Variants in DCAF8L2 observed in about 807,000 individuals in gnomAD.
DCAF8L2 encodes DDB1 and CUL4 associated factor 8 like 2, also known as DDB1- and CUL4-associated factor 8-like protein 2.
For synonymous variants in DCAF8L2, 200 were observed against 190.9 expected (o/e 1.05, Z -0.39); for missense variants, 430 against 490.7 (o/e 0.88, Z 1.17).
chrX:27,502,378 T>TATA, the DCAF8L2 span, among the ~76,000 whole-genome samples: 17 of 44,149 alleles, frequency 3.9e-4, no homozygotes, highest in Non-Finnish European at 7.3e-4. Context: ...ATATATATAT[T>TATA]GGCTGTGCAT....
At chrX:27,474,018 A>G in the DCAF8L2 span, among the ~76,000 whole-genome samples, 1 of 111,053 alleles carries the variant, frequency 9.0e-6, no homozygotes, top group Admixed American at 9.6e-5. Flanking sequence ...TTCAGGCTCA[A>G]TTGGAGTCCC....
intron 4 of DCAF8L2, among the ~76,000 whole-genome samples, chrX:27,720,038 C>G (rs1471590130): frequency 1.8e-5 from 2 of 109,606 alleles, no homozygotes; most frequent in Non-Finnish European, 3.8e-5. Flanking sequence ...ACATATAGGT[C>G]TATAATTCAT....
chrX:27,571,845 C>A, the DCAF8L2 span, among the ~76,000 whole-genome samples: 1 of 110,970 alleles, frequency 9.0e-6, no homozygotes, highest in Non-Finnish European at 1.9e-5. Flanking sequence ...TTCAGTGATC[C>A]TGCCAAGTTG....
At chrX:27,493,119 A>G in the DCAF8L2 span, among the ~76,000 whole-genome samples, 1 of 110,634 alleles carries the variant, frequency 9.0e-6, no homozygotes, top group African/African-American at 3.3e-5. Context: ...ATATGCCCAT[A>G]GTCCCATGTA....
the DCAF8L2 span, among the ~76,000 whole-genome samples, chrX:27,505,820 C>G: frequency 8.9e-6 from 1 of 112,058 alleles, no homozygotes; most frequent in Non-Finnish European, 1.9e-5. Flanking sequence ...GTGAGATGCT[C>G]TAAAGACAGG....
At chrX:27,616,149 A>G (rs1927465902) in intron 1 of DCAF8L2, among the ~76,000 whole-genome samples, 2 of 111,191 alleles carry the variant, frequency 1.8e-5, no homozygotes, top group South Asian at 7.4e-4. Context: ...AAAAAAATAG[A>G]TATGAAATTT....
chrX:27,547,891 T>TCTCTTTCTCTC, the DCAF8L2 span, among the ~76,000 whole-genome samples: 3 of 57,194 alleles, frequency 5.2e-5, no homozygotes, highest in Admixed American at 2.3e-4. Flanking sequence ...CTCTCTCTCT[T>TCTCTTTCTCTC]TCTCTCTCTC....
chrX:27,672,548 T>G (rs1199387016), intron 2 of DCAF8L2, among the ~76,000 whole-genome samples: 1 of 111,941 alleles, frequency 8.9e-6, no homozygotes, highest in Non-Finnish European at 1.9e-5. Flanking sequence ...CTTTGTAGCT[T>G]CACAGAGAGA....
At chrX:27,503,514 C>T in the DCAF8L2 span, among the ~76,000 whole-genome samples, 2 of 110,195 alleles carry the variant, frequency 1.8e-5, no homozygotes, top group African/African-American at 3.3e-5. Flanking sequence ...TTTTTTGCCT[C>T]GGGATGTCAT....
chrX:27,642,755 G>T (rs2147188431), intron 2 of DCAF8L2, among the ~76,000 whole-genome samples: 1 of 111,753 alleles, frequency 8.9e-6, no homozygotes, highest in Admixed American at 9.5e-5. Flanking sequence ...AATAAGATAT[G>T]CAGAATAAGC....
At chrX:27,723,015 C>T in intron 4 of DCAF8L2, among the ~76,000 whole-genome samples, 1 of 110,487 alleles carries the variant, frequency 9.1e-6, no homozygotes, top group South Asian at 3.7e-4. Context: ...GGATTTTATT[C>T]ATTTACAATG....
At chrX:27,555,068 C>T in the DCAF8L2 span, among the ~76,000 whole-genome samples, 1 of 111,556 alleles carries the variant, frequency 9.0e-6, no homozygotes, top group South Asian at 3.8e-4. Context: ...CTGTGCTACA[C>T]GCATCTTAAC....
intron 4 of DCAF8L2, among the ~76,000 whole-genome samples, chrX:27,739,595 T>TA (rs1180071815): frequency 2.4e-4 from 27 of 111,873 alleles, no homozygotes; most frequent in African/African-American, 8.1e-4. Flanking sequence ...GACTTCTAAA[T>TA]TTATATCTAT....
chrX:27,502,330 AAAAAAATATATATATATATATATAT>A, the DCAF8L2 span, among the ~76,000 whole-genome samples: 1 of 35,075 alleles, frequency 2.9e-5, no homozygotes, highest in Non-Finnish European at 4.7e-5. Flanking sequence ...AAAAAAAAAA[AAAAAAATATATATATATATATATAT>A]ATATATATAT....
At chrX:27,628,265 CT>C (rs374061723) in intron 1 of DCAF8L2, among the ~76,000 whole-genome samples, 22 of 111,160 alleles carry the variant, frequency 2.0e-4, no homozygotes, top group African/African-American at 6.5e-4. Context: ...AAAGGATTTT[CT>C]TTTTTTTAAA....
At chrX:27,622,713 G>C (rs1927835365) in intron 1 of DCAF8L2, among the ~76,000 whole-genome samples, 1 of 111,241 alleles carries the variant, frequency 9.0e-6, no homozygotes, top group Non-Finnish European at 1.9e-5. Flanking sequence ...TTAATGATAT[G>C]TACTGAGGAA....
the DCAF8L2 span, among the ~76,000 whole-genome samples, chrX:27,479,280 G>T: frequency 1.8e-5 from 2 of 111,057 alleles, no homozygotes; most frequent in Admixed American, 1.9e-4. Context: ...GAGCATGATG[G>T]CAGATCCTCC....
At chrX:27,498,553 C>G in the DCAF8L2 span, among the ~76,000 whole-genome samples, 2 of 112,481 alleles carry the variant, frequency 1.8e-5, no homozygotes, top group African/African-American at 6.5e-5. Flanking sequence ...TGTAGTTACT[C>G]TTTTTGTTGT....
chrX:27,716,271 T>C (rs1931700109), intron 4 of DCAF8L2, 100 bp downstream of exon 4: 1 of 111,934 alleles, frequency 8.9e-6, no homozygotes, highest in African/African-American at 3.3e-5. Context: ...CTCCAGTGCC[T>C]AAGTCATTAA....
Sources: gnomAD v4.1 joint callset for allele counts (sites outside exome capture counted in the v4.1 genomes callset) on GRCh38, gnomAD v4.1.1 for gene constraint, MANE v1.5 for transcripts, NCBI Gene and HGNC (gene_info 2026-07-23, HGNC 2026-07-21) for gene names.